CABP4: variants seen among roughly 807,000 people sequenced by gnomAD.
The protein encoded by CABP4 is calcium-binding protein 4.
In CABP4, 30 loss-of-function variants were observed where a neutral mutation model predicts 30.7. The observed-to-expected ratio is 0.98, with a 90% CI of 0.73 to 1.33. The LOEUF is 1.33. Among genes scored for constraint, CABP4 ranks in the 40% most tolerant of loss-of-function variants. CABP4 has a pLI of 0.00. For missense variants in CABP4, 424 were observed against 395.5 expected (o/e 1.07, Z -0.61); for synonymous variants, 161 against 159.2 (o/e 1.01, Z -0.08).
rs546681598 is a variant in CABP4 at position 67,461,675 on chromosome 11, G to A, written c.*3016G>A. ...CAGCTGCTCACGCAACTCTGCTGTTGAAGTTTGTAGTGCAAAGTCAAGTCA... is the reference window on the plus strand; with the variant it reads ...CAGCTGCTCACGCAACTCTGCTGTTAAAGTTTGTAGTGCAAAGTCAAGTCA... On this transcript the variant is annotated 3_prime_UTR_variant, in exon 6 of 6. Transcript: ENST00000325656. 1 of 152,300 alleles carries A rather than the reference G, an allele frequency of 6.6e-6. No individual in the cohort carries two copies. Among genetic ancestry groups the A allele is most frequent in the Non-Finnish European group, 1.5e-5 (1 of 68,030 alleles). The allele number at this position is 152,300 out of a possible 1,614,324, so 9.4% of individuals were successfully genotyped here.
chr11:67,460,044 G>C lies in CABP4; in HGVS notation c.*1385G>C, dbSNP rs925951731. On this transcript the variant is annotated 3_prime_UTR_variant, in exon 6 of 6. Coordinates refer to ENST00000325656, the MANE Select transcript of CABP4 (RefSeq NM_145200.5). The stretch of plus-strand genomic sequence containing the variant: ...CAAAAACAAGAGGACTGGCATCTCA[G>C]TGTACATAATACAGCCGCCTAAGAG... 1 of 152,270 alleles carries C rather than the reference G, an allele frequency of 6.6e-6. No homozygotes were observed. The highest frequency in any genetic ancestry group is 1.9e-4 in the East Asian group (1 of 5,206). The allele number at this position is 152,270 out of a possible 1,614,324, so 9.4% of individuals were successfully genotyped here.
chr11:67,454,102 C>T (rs1164457348), upstream of CABP4, among the ~76,000 whole-genome samples: 1 of 152,150 alleles, frequency 6.6e-6, no homozygotes, highest in Non-Finnish European at 1.5e-5. Flanking sequence ...CTGTTTGTCT[C>T]CTGGAGCTGC....
Position 67,459,155 on chromosome 11 carries a change from G to C in CABP4, c.*496G>C. 1 of 163,696 alleles carries C rather than the reference G, an allele frequency of 6.1e-6. No individual in the cohort carries two copies. The highest frequency in any genetic ancestry group is 1.3e-5 in the Non-Finnish European group (1 of 74,160). 10.1% of individuals were successfully genotyped at this position (163,696 alleles called of 1,614,324 possible). A position where few individuals can be genotyped will look rare whatever the true frequency, so the allele number is the denominator to read the frequency against. On this transcript the variant is annotated 3_prime_UTR_variant, in exon 6 of 6. Coordinates refer to ENST00000325656, the MANE Select transcript of CABP4 (RefSeq NM_145200.5). ...AGCCCAGGAGTGCAAGACCTGCCTG[G>C]GCAATATACTGAGACCCCATTCTCC...
In CABP4 at chr11:67,456,177, T is replaced by G; in HGVS notation, c.367-11T>G. 1 of 1,612,600 alleles carries G rather than the reference T, an allele frequency of 6.2e-7. No individual in the cohort carries two copies. The highest frequency in any genetic ancestry group is 8.5e-7 in the Non-Finnish European group (1 of 1,179,744). On this transcript the variant is annotated splice_polypyrimidine_tract_variant and intron_variant, in intron 1 of 5. Transcript: ENST00000325656. ...CTGGCCCTGGGGACATCCTGGACTC[T>G]CCCCCTGCAGGACCGCGAACTGGGC... is the stretch of plus-strand genomic sequence containing the variant.
Position 67,457,707 on chromosome 11 carries a change from G to A in CABP4, c.651+25G>A, listed in dbSNP as rs757779036. 13 of 1,543,866 alleles carry A rather than the reference G, an allele frequency of 8.4e-6. No individual in the cohort carries two copies. The South Asian group carries it at 1.4e-4, about 17-fold the overall frequency. On this transcript the variant is annotated intron_variant, in intron 4 of 5. Coordinates refer to ENST00000325656, the MANE Select transcript of CABP4 (RefSeq NM_145200.5). ...GGTGCGGAGTGTGGTGAGGTGGGCA[G>A]AGGGGGGCAGGGCTGGGTGGCATCC...
Position 67,458,665 on chromosome 11 carries a change from C to CA in CABP4, c.*7dup, listed in dbSNP as rs749036787. ...TGATGCTCTCCCGCCACTGAGGCTC[C>CA]AGGAGGGAATATCTGTTGCCCCTGC... On this transcript the variant is annotated 3_prime_UTR_variant, in exon 6 of 6. Transcript: ENST00000325656. 7 of 1,614,022 alleles carry CA rather than the reference C, an allele frequency of 4.3e-6. No individual in the cohort carries two copies. Among genetic ancestry groups the CA allele is most frequent in the Non-Finnish European group, 5.1e-6 (6 of 1,180,028 alleles).
In CABP4 at chr11:67,461,221, G is replaced by A. The variant is rs1865003701; in HGVS notation, c.*2562G>A. ...GAGGTGAGAGGATCATTTGAGCCCA[G>A]GAGTTGGAGGCTGCAGTGATCGTGC... is the stretch of plus-strand genomic sequence containing the variant. On this transcript the variant is annotated 3_prime_UTR_variant, in exon 6 of 6. Coordinates refer to ENST00000325656, the MANE Select transcript of CABP4 (RefSeq NM_145200.5). Among the ~76,000 whole-genome samples, 1 of 152,202 alleles carries A rather than the reference G, an allele frequency of 6.6e-6. No homozygotes were observed. Among genetic ancestry groups the A allele is most frequent in the Non-Finnish European group, 1.5e-5 (1 of 68,046 alleles).
chr11:67,457,490 GGGGTGCCTGGCCTGT>G, intron 3 of CABP4, 68 bp from the exon 4 acceptor site: 1 of 1,158,698 alleles, frequency 8.6e-7, no homozygotes, highest in Non-Finnish European at 1.3e-6. Flanking sequence ...CCTGGGGGTG[GGGGTGCCTGGCCTGT>G]GGGATGTCCC....
rs1864957842 is a variant in CABP4, at chr11:67,459,930, C to T, written c.*1271C>T. On this transcript the variant is annotated 3_prime_UTR_variant, in exon 6 of 6. Coordinates refer to ENST00000325656, the MANE Select transcript of CABP4 (RefSeq NM_145200.5). ...CACCATTGCACCCCAGCCTGAGCAA[C>T]AGATCGAGACTCCGTCTCAAAAACA... The T allele has an allele frequency of 6.6e-6, 1 of 152,162 alleles. No homozygotes were observed. The highest frequency in any genetic ancestry group is 1.5e-5 in the Non-Finnish European group (1 of 68,044). The allele number at this position is 152,162 out of a possible 1,614,324, so 9.4% of individuals were successfully genotyped here.
intron 3 of CABP4, among the ~76,000 whole-genome samples, chr11:67,457,001 C>T (rs1261027941): frequency 6.6e-6 from 1 of 152,188 alleles, no homozygotes; most frequent in Non-Finnish European, 1.5e-5. Flanking sequence ...TTCCAGGACT[C>T]CTGCATTTTT....
chr11:67,455,689 G>C lies in CABP4; in HGVS notation c.266G>C (p.Gly89Ala). The C allele has an allele frequency of 6.2e-7, 1 of 1,607,864 alleles. No homozygotes were observed. Among genetic ancestry groups the C allele is most frequent in the Non-Finnish European group, 8.5e-7 (1 of 1,178,478 alleles). The change falls in exon 1 of 6, where the codon GGG (glycine) becomes GCG (alanine). Residue 89 changes from glycine to alanine, a missense_variant. By Grantham distance (60) the Gly-to-Ala change is moderately conservative. Transcript: ENST00000325656. ...GPAGAPPASPGPASSRQSHRH... is the reference protein window; with the variant it reads ...GPAGAPPASPAPASSRQSHRH... The stretch of plus-strand genomic sequence containing the variant: ...GCGGGCGCACCCCCTGCATCCCCTG[G>C]GCCGGCCTCTTCTCGCCAGTCCCAC...
At position 67,458,366 on chromosome 11, in the gene CABP4, C is replaced by T; in HGVS notation, c.652-5C>T. The T allele has an allele frequency of 6.2e-7, 1 of 1,603,758 alleles. No individual in the cohort carries two copies. Among genetic ancestry groups the T allele is most frequent in the Non-Finnish European group, 8.5e-7 (1 of 1,172,446 alleles). Reference sequence around the variant, plus strand: ...GGGAGGGGCTGAGCTTTGCGGGGACCTTAGTTTGACAGGGACAGGGATGGA... The same window carrying T: ...GGGAGGGGCTGAGCTTTGCGGGGACTTTAGTTTGACAGGGACAGGGATGGA... On this transcript the variant is annotated splice_polypyrimidine_tract_variant and splice_region_variant and intron_variant, in intron 4 of 5. Transcript: ENST00000325656.
upstream of CABP4, chr11:67,452,572 C>T (rs113329646): frequency 1.4e-4 from 232 of 1,610,142 alleles, 6 homozygotes; most frequent in African/African-American, 6.7e-4. Flanking sequence ...CGGCCAGCCA[C>T]GCCATCAACC....
Position 67,460,440 on chromosome 11 carries a change from TA to T in CABP4, c.*1783del, listed in dbSNP as rs1864975121. 6.7e-6 allele frequency: 1 copy of T among 150,262 alleles called. No individual in the cohort carries two copies. Among genetic ancestry groups the T allele is most frequent in the African/African-American group, 2.5e-5 (1 of 40,764 alleles). 9.3% of individuals were successfully genotyped at this position (150,262 alleles called of 1,614,324 possible). ...TCGCACCACTGCACTCCAGCGTGGGTAACAGAGTGAGAATCCGTCAAAAAGA... is the reference window on the plus strand; with the variant it reads ...TCGCACCACTGCACTCCAGCGTGGGTACAGAGTGAGAATCCGTCAAAAAGA... On this transcript the variant is annotated 3_prime_UTR_variant, in exon 6 of 6. Transcript: ENST00000325656.
chr11:67,458,735 A>C lies in CABP4; in HGVS notation c.*76A>C. On this transcript the variant is annotated 3_prime_UTR_variant, in exon 6 of 6. Transcript: ENST00000325656. ...ACCCAGGCTGCAGGCCTCCCCCAGGAGCCTCCAGGATGGAGATGGAGACCC... is the reference window on the plus strand; with the variant it reads ...ACCCAGGCTGCAGGCCTCCCCCAGGCGCCTCCAGGATGGAGATGGAGACCC... 6.3e-7 allele frequency: 1 copy of C among 1,578,694 alleles called. No homozygotes were observed. Among genetic ancestry groups the C allele is most frequent in the South Asian group, 1.1e-5 (1 of 90,264 alleles).
chr11:67,457,592 TGAG>T lies in CABP4; in HGVS notation c.565_567del (p.Glu189del). 5 of 1,598,374 alleles carry T rather than the reference TGAG, an allele frequency of 3.1e-6. No homozygotes were observed. Among genetic ancestry groups the T allele is most frequent in the Non-Finnish European group, 4.3e-6 (5 of 1,172,534 alleles). ...CTGCAGTGGGCGGCCGTGTGGACTT[TGAG>T]GAGTTTGTAGAACTGATAGGCCCAA... On this transcript the variant is annotated inframe_deletion, in exon 4 of 6. Coordinates refer to ENST00000325656, the MANE Select transcript of CABP4 (RefSeq NM_145200.5).
At position 67,456,292 on chromosome 11, in the gene CABP4, T is replaced by A; in HGVS notation, c.398-7T>A. 1 of 1,613,656 alleles carries A rather than the reference T, an allele frequency of 6.2e-7. No individual in the cohort carries two copies. Among genetic ancestry groups the A allele is most frequent in the Non-Finnish European group, 8.5e-7 (1 of 1,179,942 alleles). Reference sequence around the variant, plus strand: ...GGCCACCTGGGCTTGACCTCCCTCCTCCACAGAGCTTCAGGCCGCCTTCGA... The same window carrying A: ...GGCCACCTGGGCTTGACCTCCCTCCACCACAGAGCTTCAGGCCGCCTTCGA... On this transcript the variant is annotated splice_region_variant and splice_polypyrimidine_tract_variant and intron_variant, in intron 2 of 5. Coordinates refer to ENST00000325656, the MANE Select transcript of CABP4 (RefSeq NM_145200.5).
At chr11:67,452,617 C>A (rs755772236), upstream of CABP4, 1 of 1,613,600 alleles carries the variant, frequency 6.2e-7, no homozygotes, top group South Asian at 1.1e-5. Context: ...GCAGGGCCAC[C>A]AGGAAGACCG....
upstream of CABP4, chr11:67,452,405 T>C (rs773602358): frequency 3.1e-6 from 5 of 1,612,698 alleles, no homozygotes; most frequent in Non-Finnish European, 3.4e-6. Flanking sequence ...TAGGAAGTAG[T>C]AGAAGCGGCA....
Sources: allele counts gnomAD v4.1 joint callset (sites outside exome capture counted in the v4.1 genomes callset), GRCh38; gene constraint gnomAD v4.1.1; transcripts MANE v1.5; gene names NCBI Gene and HGNC (gene_info 2026-07-23, HGNC 2026-07-21).